SYNE2: variants seen among roughly 807,000 people sequenced by gnomAD.
SYNE2 encodes nesprin-2.
SYNE2 carries 431 observed loss-of-function variants against 856.3 expected under a neutral mutation model. The observed-to-expected ratio is 0.50, with a 90% confidence interval of 0.47 to 0.55. SYNE2 has a LOEUF of 0.55. SYNE2 is among the 20% of genes least tolerant of loss of function. SYNE2 has a pLI of 0.00. For synonymous variants in SYNE2, 2,923 were observed against 2,872.3 expected (o/e 1.02, Z -0.56); for missense variants, 8,129 against 8,023.2 (o/e 1.01, Z -0.50).
chr14:64,225,062 G>A lies in SYNE2; in HGVS notation c.20516+17G>A, dbSNP rs779196951. ...AGAGAGCAGGTAACGGGGCTTTACCGTGACAGCAGTGCGTTCCCCTGCTCC... is the reference window on the plus strand; with the variant it reads ...AGAGAGCAGGTAACGGGGCTTTACCATGACAGCAGTGCGTTCCCCTGCTCC... On this transcript the variant is annotated intron_variant, in intron 115 of 115. Coordinates refer to ENST00000555002, the MANE Select transcript of SYNE2 (RefSeq NM_182914.3). The A allele has an allele frequency of 1.9e-5, 30 of 1,613,304 alleles. No individual in the cohort carries two copies. The highest frequency in any genetic ancestry group is 1.1e-4 in the East Asian group (5 of 44,882).
Position 64,212,853 on chromosome 14 carries a change from C to A in SYNE2, c.18904C>A (p.Gln6302Lys). ...TACATTAAATACCAACAAGATTGAT[C>A]AGCTCATTGTGTTTGGGGAGCAGCT... ...EITLNTNKID[Q>K]LIVFGEQLIQ... is the part of the protein sequence containing the mutation. The change falls in exon 105 of 116, where the codon CAG becomes AAG. Residue 6302 changes from glutamine (Q) to lysine (K), a missense_variant. Physicochemically the swap from Gln to Lys is moderately conservative, Grantham distance 53 (BLOSUM62 1). Coordinates refer to ENST00000555002, the MANE Select transcript of SYNE2 (RefSeq NM_182914.3). The A allele has an allele frequency of 6.2e-7, 1 of 1,614,208 alleles. No homozygotes were observed. The highest frequency in any genetic ancestry group is 8.5e-7 in the Non-Finnish European group (1 of 1,180,030).
At chr14:64,045,857 C>T (rs1448626801) in intron 45 of SYNE2, among the ~76,000 whole-genome samples, 1 of 152,172 alleles carries the variant, frequency 6.6e-6, no homozygotes, top group East Asian at 1.9e-4. Flanking sequence ...AATAGTTTTA[C>T]AGTTACAGAG....
At chr14:63,807,865 A>ATATATATATATATATATT (rs1267385896) in intron 1 of SYNE2, among the ~76,000 whole-genome samples, 13 of 97,392 alleles carry the variant, frequency 1.3e-4, no homozygotes, top group African/African-American at 4.1e-4. Flanking sequence ...ATATATATAT[A>ATATATATATATATATATT]ATTTCAATAG....
At chr14:64,182,045 T>G (rs2098460489) in intron 96 of SYNE2, among the ~76,000 whole-genome samples, 1 of 152,240 alleles carries the variant, frequency 6.6e-6, no homozygotes, top group African/African-American at 2.4e-5. Context: ...GGTCAAATTT[T>G]ATTTATATAC....
At chr14:64,185,612 C>A (rs1439158664) in intron 96 of SYNE2, among the ~76,000 whole-genome samples, 2 of 145,244 alleles carry the variant, frequency 1.4e-5, no homozygotes, top group Non-Finnish European at 3.0e-5. Flanking sequence ...CCTCCGCCTC[C>A]TGGGTTCAAG....
chr14:64,165,667 C>T (rs1381725046), intron 90 of SYNE2, among the ~76,000 whole-genome samples: 5 of 152,176 alleles, frequency 3.3e-5, no homozygotes, highest in Admixed American at 6.5e-5. Flanking sequence ...CATGTGCCAC[C>T]ATGTCCGGCT....
At chr14:63,976,962 G>C (rs961319579) in intron 12 of SYNE2, among the ~76,000 whole-genome samples, 1 of 148,230 alleles carries the variant, frequency 6.7e-6, no homozygotes, top group African/African-American at 2.5e-5. Flanking sequence ...GAGTTCTAAA[G>C]CAACTATAAA....
At chr14:64,116,546 T>A (rs1003412862) in intron 66 of SYNE2, among the ~76,000 whole-genome samples, 3 of 152,182 alleles carry the variant, frequency 2.0e-5, no homozygotes, top group Non-Finnish European at 2.9e-5. Context: ...GCCTCCCAAG[T>A]AGCTGGGATT....
Position 64,110,601 on chromosome 14 carries a change from C to G in SYNE2, c.12610-2740C>G, listed in dbSNP as rs533324077. The stretch of plus-strand genomic sequence containing the variant: ...AATACTTTTTACACCCCCCCCCCCC[C>G]GCCAAAGTGTACAATTATAAAACAT... On this transcript the variant is annotated intron_variant, in intron 65 of 115. Coordinates refer to ENST00000555002, the MANE Select transcript of SYNE2 (RefSeq NM_182914.3). 8.6e-3 allele frequency among the ~76,000 whole-genome samples: 924 copies of G among 107,038 alleles called. 30 individuals carry two copies. The highest frequency in any genetic ancestry group is 0.036 in the Middle Eastern group (7 of 192). The allele number at this position is 107,038 out of a possible 152,430, so 70.2% of individuals were successfully genotyped here.
At chr14:64,044,346 C>T (rs1009224237) in intron 45 of SYNE2, among the ~76,000 whole-genome samples, 1 of 152,186 alleles carries the variant, frequency 6.6e-6, no homozygotes, top group African/African-American at 2.4e-5. Flanking sequence ...TGAATTTATC[C>T]AATACCTGTA....
intron 1 of SYNE2, among the ~76,000 whole-genome samples, chr14:63,904,888 T>C (rs1294074029): frequency 6.6e-6 from 1 of 152,222 alleles, no homozygotes; most frequent in Non-Finnish European, 1.5e-5. Context: ...TCACGGCTTA[T>C]GTTGAGAAGG....
chr14:63,831,002 G>A (rs146819908), intron 1 of SYNE2, among the ~76,000 whole-genome samples: 2,895 of 151,750 alleles, frequency 0.019, 39 homozygotes, highest in Admixed American at 0.032. Flanking sequence ...CACCCTGCCC[G>A]GCTAATTTTT....
At chr14:64,116,033 T>C (rs2097851508) in intron 66 of SYNE2, among the ~76,000 whole-genome samples, 1 of 152,102 alleles carries the variant, frequency 6.6e-6, no homozygotes, top group African/African-American at 2.4e-5. Flanking sequence ...TAGCTGGGCA[T>C]GGTGGTGTGT....
chr14:64,027,460 T>A lies in SYNE2; in HGVS notation c.6405-24T>A, dbSNP rs1411600748. 6.7e-6 allele frequency: 10 copies of A among 1,487,350 alleles called. No homozygotes were observed. In the East Asian group the frequency reaches 2.3e-4, roughly 34 times the overall value. 92.1% of individuals were successfully genotyped at this position (1,487,350 alleles called of 1,614,324 possible). The stretch of plus-strand genomic sequence containing the variant: ...CCATTTTGCTAAATATCATTTAATT[T>A]ATAAAATATTTTGTGAAATTTAGCC... On this transcript the variant is annotated intron_variant, in intron 42 of 115. Coordinates refer to ENST00000555002, the MANE Select transcript of SYNE2 (RefSeq NM_182914.3).
At chr14:64,216,457 A>C in intron 108 of SYNE2, 70 bp downstream of exon 108, 1 of 1,557,858 alleles carries the variant, frequency 6.4e-7, no homozygotes, top group South Asian at 1.1e-5. Context: ...AGAGAGAGAG[A>C]TTTTGGTGTA....
At chr14:64,018,955 A>G (rs1261878298) in intron 34 of SYNE2, among the ~76,000 whole-genome samples, 1 of 152,200 alleles carries the variant, frequency 6.6e-6, no homozygotes, top group Non-Finnish European at 1.5e-5. Context: ...GCTTGTTTAC[A>G]TATTATTTGT....
rs753589683 is a variant in SYNE2, at chr14:64,132,458, G to A, written c.14514+20G>A. On this transcript the variant is annotated intron_variant, in intron 77 of 115. Coordinates refer to ENST00000555002, the MANE Select transcript of SYNE2 (RefSeq NM_182914.3). Reference sequence around the variant, plus strand: ...TTGCAGGTATTTGGGTTATGTAAACGTTGTACTGAAGCTGGGAATTGCTGA... The same window carrying A: ...TTGCAGGTATTTGGGTTATGTAAACATTGTACTGAAGCTGGGAATTGCTGA... The A allele has an allele frequency of 3.4e-5, 55 of 1,613,962 alleles. No homozygotes were observed. In the Admixed American group the frequency reaches 4.5e-4, roughly 13 times the overall value.
intron 85 of SYNE2, among the ~76,000 whole-genome samples, chr14:64,156,698 A>G (rs1049155312): frequency 5.3e-5 from 8 of 152,144 alleles, no homozygotes; most frequent in African/African-American, 1.9e-4. Context: ...ACCTTAGGTG[A>G]TCCAACCACC....
At chr14:63,984,300 T>C in intron 18 of SYNE2, among the ~76,000 whole-genome samples, 1 of 152,210 alleles carries the variant, frequency 6.6e-6, no homozygotes, top group East Asian at 1.9e-4. Context: ...GATTGCTAGA[T>C]AACATTTAAA....
Sources: allele counts gnomAD v4.1 joint callset (sites outside exome capture counted in the v4.1 genomes callset), GRCh38; gene constraint gnomAD v4.1.1; transcripts MANE v1.5; gene names NCBI Gene and HGNC (gene_info 2026-07-23, HGNC 2026-07-21).